The following GLT1D1 variants were observed in gnomAD, a reference collection of about 807,000 sequenced individuals.
GLT1D1 encodes the protein glycosyltransferase 1 domain-containing protein 1.
A neutral mutation model predicts 28.7 loss-of-function variants in GLT1D1; 21 were observed. The ratio of observed to expected loss-of-function variants is 0.73; its 90% CI spans 0.52 to 1.05. The LOEUF is 1.05. Ranked by LOEUF, GLT1D1 falls within the 50% of genes least tolerant of loss-of-function variation. The probability of loss-of-function intolerance (pLI) is 0.00; values close to 1 mark genes in which losing one functional copy is unlikely to be tolerated. For missense variants in GLT1D1, 343 were observed against 330.6 expected (o/e 1.04, Z -0.29); for synonymous variants, 147 against 124.8 (o/e 1.18, Z -1.19).
At chr12:128,938,546 T>C (rs1874798626) in intron 4 of GLT1D1, among the ~76,000 whole-genome samples, 1 of 152,164 alleles carries the variant, frequency 6.6e-6, no homozygotes, top group South Asian at 2.1e-4. Flanking sequence ...ACGTGAAACA[T>C]CTCCTTGCCA....
At chr12:128,959,008 T>G (rs907103529) in intron 7 of GLT1D1, among the ~76,000 whole-genome samples, 21 of 151,438 alleles carry the variant, frequency 1.4e-4, no homozygotes, top group African/African-American at 4.9e-4. Flanking sequence ...TGGCTAATTT[T>G]GTTTATTTTT....
At position 128,980,828 on chromosome 12, in the gene GLT1D1, G is replaced by A. The variant is rs1024072912; in HGVS notation, c.640-2101G>A. On this transcript the variant is annotated intron_variant, in intron 7 of 7. Transcript: ENST00000281703. ...CGAACAAGTCAGATTCATCGGGGGC[G>A]GGGTGGGGAATAGACCACACCCACT... Among the ~76,000 whole-genome samples, 61 of 152,230 alleles carry A rather than the reference G, an allele frequency of 4.0e-4. 2 individuals carry two copies. The highest frequency in any genetic ancestry group is 5.9e-5 in the Non-Finnish European group (4 of 68,040).
chr12:128,971,429 T>TCTCTA (rs1879040556), intron 7 of GLT1D1, among the ~76,000 whole-genome samples: 1 of 99,036 alleles, frequency 1.0e-5, no homozygotes, highest in Non-Finnish European at 2.1e-5. Flanking sequence ...TCCCTTCCTC[T>TCTCTA]CCTCCTCCCT....
At chr12:128,909,940 A>G (rs1871346981) in intron 4 of GLT1D1, among the ~76,000 whole-genome samples, 1 of 152,282 alleles carries the variant, frequency 6.6e-6, no homozygotes, top group Admixed American at 6.5e-5. Flanking sequence ...GAGAACAATA[A>G]TAAATATTGA....
At chr12:128,981,961 G>A (rs1418443062) in intron 7 of GLT1D1, among the ~76,000 whole-genome samples, 1 of 152,142 alleles carries the variant, frequency 6.6e-6, no homozygotes, top group Non-Finnish European at 1.5e-5. Context: ...ACTTACACAC[G>A]CGCATGGAGA....
chr12:128,959,414 G>GGGGGT lies in GLT1D1; in HGVS notation c.639+1775_639+1776insTGGGG, dbSNP rs1555219958. 8.2e-5 allele frequency among the ~76,000 whole-genome samples: 3 copies of GGGGGT among 36,544 alleles called. No individual in the cohort carries two copies. In the South Asian group the frequency reaches 3.7e-3, roughly 45 times the overall value. 24.0% of individuals were successfully genotyped at this position (36,544 alleles called of 152,430 possible). ...GAAAGCCAGCTTCATGAGGCAGTGG[G>GGGGGT]GGGGGACGGGTGGGGAGGTGGCAGC... On this transcript the variant is annotated intron_variant, in intron 7 of 7. Coordinates refer to ENST00000281703, the MANE Select transcript of GLT1D1 (RefSeq NM_144669.3).
intron 1 of GLT1D1, among the ~76,000 whole-genome samples, chr12:128,865,388 A>G (rs1047849420): frequency 2.6e-5 from 4 of 152,228 alleles, no homozygotes; most frequent in East Asian, 3.8e-4. Flanking sequence ...GTTTTGGACT[A>G]TGAATACATT....
intron 4 of GLT1D1, among the ~76,000 whole-genome samples, chr12:128,922,024 T>C (rs1872706937): frequency 1.3e-5 from 2 of 152,070 alleles, no homozygotes; most frequent in Admixed American, 6.6e-5. Context: ...TTCCCCCTTC[T>C]GTGTATATGA....
At chr12:128,950,549 C>T (rs2135500784) in intron 6 of GLT1D1, among the ~76,000 whole-genome samples, 1 of 152,258 alleles carries the variant, frequency 6.6e-6, no homozygotes, top group South Asian at 2.1e-4. Context: ...GTTTCCAGCC[C>T]CAGGTATACA....
At chr12:128,896,864 A>G (rs77222918) in intron 3 of GLT1D1, among the ~76,000 whole-genome samples, 4,592 of 152,186 alleles carry the variant, frequency 0.03, 114 homozygotes, top group Middle Eastern at 0.061. Context: ...AAACAACACC[A>G]CAGGGAAAAA....
intron 7 of GLT1D1, among the ~76,000 whole-genome samples, chr12:128,972,221 C>T (rs1204037455): frequency 6.6e-6 from 1 of 152,228 alleles, no homozygotes; most frequent in African/African-American, 2.4e-5. Flanking sequence ...ATTTCTCGCT[C>T]TTCTGGAGGC....
intron 2 of GLT1D1, among the ~76,000 whole-genome samples, chr12:128,882,403 A>C (rs1000835591): frequency 6.6e-6 from 1 of 150,798 alleles, no homozygotes; most frequent in African/African-American, 2.4e-5. Context: ...CAGCCTCTCG[A>C]GTAGCTGGGA....
chr12:128,885,974 G>A (rs184316960), intron 2 of GLT1D1, among the ~76,000 whole-genome samples: 1 of 152,256 alleles, frequency 6.6e-6, no homozygotes, highest in Admixed American at 6.5e-5. Context: ...TTGTGGGAAG[G>A]ACCTGGTGGG....
At chr12:128,856,158 A>C (rs890518939) in intron 1 of GLT1D1, among the ~76,000 whole-genome samples, 2 of 152,172 alleles carry the variant, frequency 1.3e-5, no homozygotes, top group African/African-American at 4.8e-5. Flanking sequence ...TGGCATTTCC[A>C]TGCATTTGCA....
chr12:128,954,132 T>C lies in GLT1D1; in HGVS notation c.541-3413T>C, dbSNP rs559181575. ...GTTTTTTTTTGTTTTTGTTTTTGTTTTTGTTTTTTGAGATGGAGTCTCACT... is the reference window on the plus strand; with the variant it reads ...GTTTTTTTTTGTTTTTGTTTTTGTTCTTGTTTTTTGAGATGGAGTCTCACT... On this transcript the variant is annotated intron_variant, in intron 6 of 7. Transcript: ENST00000281703. 2.0e-5 allele frequency among the ~76,000 whole-genome samples: 3 copies of C among 151,168 alleles called. No homozygotes were observed. The South Asian group carries it at 6.3e-4, about 32-fold the overall frequency.
chr12:128,955,818 G>T (rs1280554606), intron 6 of GLT1D1, among the ~76,000 whole-genome samples: 1 of 151,904 alleles, frequency 6.6e-6, no homozygotes, highest in Non-Finnish European at 1.5e-5. Flanking sequence ...TGGCTCCATT[G>T]TGAGGGCTCA....
At chr12:128,924,820 C>G (rs1873023670) in intron 4 of GLT1D1, among the ~76,000 whole-genome samples, 1 of 152,112 alleles carries the variant, frequency 6.6e-6, no homozygotes, top group Non-Finnish European at 1.5e-5. Context: ...AGCACAAAGT[C>G]TTCCCCCGCC....
At chr12:128,941,817 G>A (rs1321083739) in intron 4 of GLT1D1, among the ~76,000 whole-genome samples, 1 of 149,246 alleles carries the variant, frequency 6.7e-6, no homozygotes, top group Non-Finnish European at 1.5e-5. Context: ...TTGATCACAT[G>A]ATCCCCCCTC....
At chr12:128,948,229 T>C (rs1259422737) in intron 6 of GLT1D1, among the ~76,000 whole-genome samples, 1 of 152,180 alleles carries the variant, frequency 6.6e-6, no homozygotes, top group East Asian at 1.9e-4. Context: ...ACTGGGGTAT[T>C]TAACCATTAT....
Sources: allele counts gnomAD v4.1 joint callset (sites outside exome capture counted in the v4.1 genomes callset), GRCh38; gene constraint gnomAD v4.1.1; transcripts MANE v1.5; gene names NCBI Gene and HGNC (gene_info 2026-07-23, HGNC 2026-07-21).